DSCAM: variants seen among roughly 807,000 people sequenced by gnomAD.
The protein encoded by DSCAM is cell adhesion molecule DSCAM.
Under a neutral mutation model 217.7 loss-of-function variants are expected in DSCAM, and 47 were observed. That is an observed-to-expected ratio of 0.22 (90% CI 0.17 to 0.28). The LOEUF (loss-of-function observed/expected upper bound fraction) is 0.28. Ranked by LOEUF, DSCAM falls within the 10% of genes least tolerant of loss-of-function variation. The probability of loss-of-function intolerance (pLI) is 1.00; values close to 1 mark genes in which losing one functional copy is unlikely to be tolerated. For missense variants in DSCAM, 2,080 were observed against 2,618.3 expected, an observed-to-expected ratio of 0.79 and a Z score of 4.49; for synonymous variants, 1,056 against 1,015.3, an observed-to-expected ratio of 1.04 and a Z score of -0.76.
chr21:40,171,056 T>C (rs1449792142), intron 15 of DSCAM, among the ~76,000 whole-genome samples: 1 of 152,186 alleles, frequency 6.6e-6, no homozygotes, highest in Non-Finnish European at 1.5e-5. Context: ...GGGAGTAACT[T>C]ACTTTTCCAA....
chr21:40,376,665 A>AGATATCGATATC (rs1232014188), intron 3 of DSCAM, among the ~76,000 whole-genome samples: 5 of 103,496 alleles, frequency 4.8e-5, no homozygotes, highest in African/African-American at 1.8e-4. Context: ...TATATATCTT[A>AGATATCGATATC]TATAGATATC....
At position 40,157,691 on chromosome 21, in the gene DSCAM, TTTTTTC is replaced by T. The variant is rs1240509872; in HGVS notation, c.3018+9521_3018+9526del. ...TAGGCTTTGTCTCTCTTTCCTTTTC[TTTTTTC>T]TTTTTTTTTTTTTTCCTGAGACAGT... On this transcript the variant is annotated intron_variant, in intron 16 of 32. Transcript: ENST00000400454. Among the ~76,000 whole-genome samples, 37 of 68,268 alleles carry T rather than the reference TTTTTTC, an allele frequency of 5.4e-4. No homozygotes were observed. The East Asian group carries it at 0.013, about 23-fold the overall frequency. The allele number at this position is 68,268 out of a possible 152,430, so 44.8% of individuals were successfully genotyped here. A position where few individuals can be genotyped will look rare whatever the true frequency, so the allele number is the denominator to read the frequency against.
chr21:40,349,399 A>G (rs911980621), intron 5 of DSCAM, among the ~76,000 whole-genome samples: 2 of 152,096 alleles, frequency 1.3e-5, no homozygotes, highest in African/African-American at 4.8e-5. Flanking sequence ...TGAGTGATTT[A>G]GACAGGGAAG....
At chr21:40,305,307 G>A (rs2088436507) in intron 9 of DSCAM, among the ~76,000 whole-genome samples, 1 of 150,016 alleles carries the variant, frequency 6.7e-6, no homozygotes, top group Non-Finnish European at 1.5e-5. Context: ...GGAGAATGGT[G>A]TGAACCCGGA....
chr21:40,839,287 G>T (rs1436675100), intron 1 of DSCAM, among the ~76,000 whole-genome samples: 1 of 152,112 alleles, frequency 6.6e-6, no homozygotes, highest in East Asian at 1.9e-4. Context: ...AACATGGAGG[G>T]ACTTGTGATA....
At chr21:40,420,881 C>T (rs984220687) in intron 3 of DSCAM, among the ~76,000 whole-genome samples, 1 of 152,262 alleles carries the variant, frequency 6.6e-6, no homozygotes, top group Admixed American at 6.5e-5. Context: ...AGGAAGAACC[C>T]TGCTGATACC....
At chr21:40,337,229 TA>T (rs924544672) in intron 8 of DSCAM, among the ~76,000 whole-genome samples, 3 of 152,100 alleles carry the variant, frequency 2.0e-5, no homozygotes, top group African/African-American at 7.2e-5. Flanking sequence ...AAAAGCCACT[TA>T]TTGGTTCCTG....
chr21:40,795,874 GTA>G (rs2091687300), intron 1 of DSCAM, among the ~76,000 whole-genome samples: 1 of 152,192 alleles, frequency 6.6e-6, no homozygotes, highest in Non-Finnish European at 1.5e-5. Flanking sequence ...TATGTTTCAT[GTA>G]TCATGAAAGG....
intron 3 of DSCAM, among the ~76,000 whole-genome samples, chr21:40,508,773 ATATATATATATT>A (rs2076234043): frequency 2.5e-4 from 1 of 4,034 alleles, no homozygotes; most frequent in Non-Finnish European, 4.0e-4. Flanking sequence ...ATATATATAT[ATATATATATATT>A]TTTTTTTTTT....
At chr21:40,502,065 C>T (rs2076174088) in intron 3 of DSCAM, among the ~76,000 whole-genome samples, 1 of 152,154 alleles carries the variant, frequency 6.6e-6, no homozygotes, top group Non-Finnish European at 1.5e-5. Flanking sequence ...CTCCCTGAAG[C>T]TGGGTATAGG....
chr21:40,333,690 C>G (rs1025658136), intron 8 of DSCAM, among the ~76,000 whole-genome samples: 2 of 152,190 alleles, frequency 1.3e-5, no homozygotes, highest in African/African-American at 2.4e-5. Context: ...TTATTTAAGA[C>G]CCTTCTAAGT....
intron 3 of DSCAM, among the ~76,000 whole-genome samples, chr21:40,583,346 A>C (rs976429300): frequency 1.3e-5 from 2 of 152,212 alleles, no homozygotes; most frequent in Non-Finnish European, 2.9e-5. Flanking sequence ...CTGGCTGTTC[A>C]ATTTCCAGAG....
chr21:40,619,715 G>A (rs563820197), intron 3 of DSCAM, among the ~76,000 whole-genome samples: 31 of 152,058 alleles, frequency 2.0e-4, no homozygotes, highest in Admixed American at 5.9e-4. Context: ...TACGCCGATC[G>A]ATACTTTCTA....
At chr21:40,508,373 G>C (rs2076225747) in intron 3 of DSCAM, among the ~76,000 whole-genome samples, 1 of 152,010 alleles carries the variant, frequency 6.6e-6, no homozygotes, top group African/African-American at 2.4e-5. Context: ...ATCAAAAAGA[G>C]AAGGGAAAAG....
At chr21:40,795,382 T>C (rs1905873124) in intron 1 of DSCAM, among the ~76,000 whole-genome samples, 1 of 151,922 alleles carries the variant, frequency 6.6e-6, no homozygotes, top group African/African-American at 2.4e-5. Flanking sequence ...TCCAAGGTCA[T>C]ATTCCTGGAC....
At chr21:40,761,219 C>T (rs186512944) in intron 1 of DSCAM, among the ~76,000 whole-genome samples, 6 of 152,184 alleles carry the variant, frequency 3.9e-5, no homozygotes, top group Non-Finnish European at 7.3e-5. Flanking sequence ...AATCTAAGTA[C>T]AGCTCTTATC....
At chr21:40,102,007 C>T (rs1043465207) in intron 20 of DSCAM, among the ~76,000 whole-genome samples, 3 of 152,106 alleles carry the variant, frequency 2.0e-5, no homozygotes. Flanking sequence ...AATTAATGGT[C>T]ATTTACTGAG....
Position 40,704,554 on chromosome 21 carries a change from A to T in DSCAM, c.361+3900T>A, listed in dbSNP as rs1019181560. On this transcript the variant is annotated intron_variant, in intron 2 of 32. Transcript: ENST00000400454. ...ACATAGTGAGAATACCCTCTACAAAATTTTTTTTTTTAAAGAATTAGCCAG... is the reference window on the plus strand; with the variant it reads ...ACATAGTGAGAATACCCTCTACAAATTTTTTTTTTTTAAAGAATTAGCCAG... Among the ~76,000 whole-genome samples the T allele has an allele frequency of 5.4e-5, 8 of 149,102 alleles. No homozygotes were observed. The East Asian group carries it at 5.9e-4, about 11-fold the overall frequency.
chr21:40,721,689 T>C (rs995416960), intron 1 of DSCAM, among the ~76,000 whole-genome samples: 3 of 152,084 alleles, frequency 2.0e-5, no homozygotes, highest in African/African-American at 7.2e-5. Context: ...TGTGGGCCAA[T>C]ATCGTTTGGC....
Sources: allele counts gnomAD v4.1 joint callset (sites outside exome capture counted in the v4.1 genomes callset), GRCh38; gene constraint gnomAD v4.1.1; transcripts MANE v1.5; gene names NCBI Gene and HGNC (gene_info 2026-07-23, HGNC 2026-07-21).